Variants in RELCH observed in about 807,000 individuals in gnomAD.
RELCH encodes RAB11 binding and LisH domain, coiled-coil and HEAT repeat containing, also known as RAB11-binding protein RELCH.
A neutral mutation model predicts 150.3 loss-of-function variants in RELCH; 41 were observed. The observed-to-expected ratio is 0.27, with a 90% CI of 0.21 to 0.35. The LOEUF (loss-of-function observed/expected upper bound fraction) is 0.35. Ranked by LOEUF, RELCH falls within the 10% of genes least tolerant of loss-of-function variation. The probability of loss-of-function intolerance (pLI) is 1.00; values close to 1 mark genes in which losing one functional copy is unlikely to be tolerated. For missense variants in RELCH, 1,092 were observed against 1,467.8 expected (o/e 0.74, Z 4.18); for synonymous variants, 478 against 531.8 (o/e 0.90, Z 1.39).
intron 10 of RELCH, among the ~76,000 whole-genome samples, chr18:62,242,563 T>C (rs780117283): frequency 5.3e-5 from 8 of 152,204 alleles, no homozygotes; most frequent in Non-Finnish European, 1.0e-4. Flanking sequence ...TGCTTTTCTT[T>C]AGTTTCCTTG....
Position 62,294,956 on chromosome 18 carries a change from T to A in RELCH, c.3459+3325T>A, listed in dbSNP as rs1016029508. Among the ~76,000 whole-genome samples, 6 of 152,216 alleles carry A rather than the reference T, an allele frequency of 3.9e-5. No individual in the cohort carries two copies. In the East Asian group the frequency reaches 5.8e-4, roughly 15 times the overall value. ...GTACGTGCCTGTTATTGGGGAACAT[T>A]CTTTCTCACTGGTTTCTTTGTCAAT... On this transcript the variant is annotated intron_variant, in intron 27 of 28. Transcript: ENST00000644646.
chr18:62,192,477 A>T (rs558808916), intron 1 of RELCH, among the ~76,000 whole-genome samples: 1 of 152,318 alleles, frequency 6.6e-6, no homozygotes, highest in South Asian at 2.1e-4. Flanking sequence ...CTATGTCCTG[A>T]ATGGTATTGC....
intron 10 of RELCH, among the ~76,000 whole-genome samples, chr18:62,234,360 C>T (rs2041764586): frequency 6.6e-6 from 1 of 151,212 alleles, no homozygotes; most frequent in African/African-American, 2.4e-5. Flanking sequence ...CACTGTCACT[C>T]AGGCTGGAGT....
intron 2 of RELCH, among the ~76,000 whole-genome samples, chr18:62,217,556 A>G (rs1206529221): frequency 6.6e-6 from 1 of 151,990 alleles, no homozygotes; most frequent in Non-Finnish European, 1.5e-5. Flanking sequence ...CTGCAGGAGA[A>G]CCACATTTGA....
intron 15 of RELCH, among the ~76,000 whole-genome samples, chr18:62,259,029 T>C (rs2144660281): frequency 6.6e-6 from 1 of 152,126 alleles, no homozygotes; most frequent in East Asian, 1.9e-4. Context: ...AAAATGAGTC[T>C]CTAAAGCTTT....
intron 19 of RELCH, among the ~76,000 whole-genome samples, chr18:62,267,883 T>C (rs2043674420): frequency 6.6e-6 from 1 of 151,988 alleles, no homozygotes; most frequent in South Asian, 2.1e-4. Context: ...TATCAACCCC[T>C]GTAATAATCT....
chr18:62,230,068 G>A (rs980600164), intron 8 of RELCH, among the ~76,000 whole-genome samples: 1 of 152,000 alleles, frequency 6.6e-6, no homozygotes, highest in Non-Finnish European at 1.5e-5. Flanking sequence ...AAATGATGGA[G>A]GCCTGTTCTA....
chr18:62,259,338 C>A (rs2043143406), intron 15 of RELCH, among the ~76,000 whole-genome samples: 1 of 150,582 alleles, frequency 6.6e-6, no homozygotes, highest in Non-Finnish European at 1.5e-5. Flanking sequence ...TTTCTATATG[C>A]CAACAGTGAA....
At chr18:62,258,415 GT>G (rs2144653460) in intron 14 of RELCH, 96 bp from the exon 15 acceptor site, 1 of 1,099,188 alleles carries the variant, frequency 9.1e-7, no homozygotes, top group South Asian at 1.6e-5. Context: ...TTAAAAATAT[GT>G]TCTTAATTTA....
chr18:62,264,706 T>C, intron 17 of RELCH, 23 bp from the exon 18 acceptor site: 1 of 1,548,902 alleles, frequency 6.5e-7, no homozygotes, highest in South Asian at 1.2e-5. Context: ...CCCCTGCCTA[T>C]TTTTCTTTCC....
At chr18:62,266,902 G>T (rs139271076) in intron 19 of RELCH, among the ~76,000 whole-genome samples, 153 bp downstream of exon 19, 1 of 151,860 alleles carries the variant, frequency 6.6e-6, no homozygotes, top group East Asian at 1.9e-4. Context: ...TTATAACTGT[G>T]TCACATCTAA....
intron 22 of RELCH, among the ~76,000 whole-genome samples, chr18:62,276,443 A>G (rs2044212888): frequency 6.6e-6 from 1 of 152,136 alleles, no homozygotes. Flanking sequence ...GTTTACTGTC[A>G]TTATCATTAT....
chr18:62,233,558 A>G (rs1053063877), intron 10 of RELCH, among the ~76,000 whole-genome samples: 1 of 152,014 alleles, frequency 6.6e-6, no homozygotes, highest in Admixed American at 6.6e-5. Flanking sequence ...ATTTTTACCT[A>G]ATTATTTTAA....
In RELCH at chr18:62,275,411, T is replaced by C. The variant is rs756794634; in HGVS notation, c.2905T>C (p.Leu969=). The part of the protein sequence containing the change: ...PAYHELLLTV[L]WYGVVHTSAL... ...CTACCATGAGTTACTATTAACTGTTTTGTGGTATGGTGTTGTCCATACTTC... is the reference window on the plus strand; with the variant it reads ...CTACCATGAGTTACTATTAACTGTTCTGTGGTATGGTGTTGTCCATACTTC... The change falls in exon 22 of 29, where the codon TTG becomes CTG. Residue 969 remains leucine, a synonymous_variant. Transcript: ENST00000644646. 1.9e-6 allele frequency: 3 copies of C among 1,580,394 alleles called. No homozygotes were observed. The highest frequency in any genetic ancestry group is 4.6e-5 in the East Asian group (2 of 43,570).
At chr18:62,215,512 C>A (rs934515050) in intron 2 of RELCH, among the ~76,000 whole-genome samples, 4 of 152,108 alleles carry the variant, frequency 2.6e-5, no homozygotes, top group African/African-American at 7.2e-5. Flanking sequence ...CACATCTGCA[C>A]ACATATTCCT....
At chr18:62,281,234 G>A (rs2144946122) in intron 24 of RELCH, among the ~76,000 whole-genome samples, 3 of 152,306 alleles carry the variant, frequency 2.0e-5, no homozygotes, top group Admixed American at 2.0e-4. Flanking sequence ...TACCCGGTAG[G>A]CTTCTGGCCA....
At chr18:62,254,397 T>C (rs2042887938) in intron 12 of RELCH, among the ~76,000 whole-genome samples, 1 of 152,176 alleles carries the variant, frequency 6.6e-6, no homozygotes, top group African/African-American at 2.4e-5. Flanking sequence ...ATTTTTAGTT[T>C]GTTCATTGCT....
chr18:62,225,321 G>C (rs1229383762), intron 5 of RELCH, among the ~76,000 whole-genome samples: 1 of 151,788 alleles, frequency 6.6e-6, no homozygotes, highest in East Asian at 1.9e-4. Flanking sequence ...GACACAAAAA[G>C]CATGATGTTC....
intron 23 of RELCH, 124 bp from the exon 24 acceptor site, chr18:62,280,522 A>T: frequency 7.1e-7 from 1 of 1,417,878 alleles, no homozygotes; most frequent in Non-Finnish European, 9.9e-7. Flanking sequence ...TTTTAAATTT[A>T]TTTAATTTGT....
Sources: allele counts gnomAD v4.1 joint callset (sites outside exome capture counted in the v4.1 genomes callset), GRCh38; gene constraint gnomAD v4.1.1; transcripts MANE v1.5; gene names NCBI Gene and HGNC (gene_info 2026-07-23, HGNC 2026-07-21).